RAB39A: variants seen among roughly 807,000 people sequenced by gnomAD.
RAB39A encodes the protein RAB39A, member RAS oncogene family, also known as ras-related protein Rab-39A.
In RAB39A, 17 loss-of-function variants were observed where a neutral mutation model predicts 20.9. The ratio of observed to expected loss-of-function variants is 0.81; its 90% CI spans 0.56 to 1.22. The LOEUF is 1.22. Ranked by LOEUF, RAB39A falls within the 50% of genes most tolerant of loss-of-function variation. The probability of loss-of-function intolerance (pLI) is 0.00; values close to 1 mark genes in which losing one functional copy is unlikely to be tolerated. For synonymous variants in RAB39A, 99 were observed against 103.4 expected (o/e 0.96, Z 0.26); for missense variants, 234 against 270.5 (o/e 0.87, Z 0.95).
chr11:107,932,485 C>G (rs184121264), intron 1 of RAB39A, among the ~76,000 whole-genome samples: 304 of 152,310 alleles, frequency 2.0e-3, no homozygotes, highest in Non-Finnish European at 3.3e-3. Flanking sequence ...TATAAGCACA[C>G]TGTGTGTCAG....
chr11:107,938,819 A>G (rs894959545), intron 1 of RAB39A, among the ~76,000 whole-genome samples: 10 of 151,938 alleles, frequency 6.6e-5, no homozygotes, highest in Admixed American at 5.9e-4. Context: ...TGGTTGTATG[A>G]TCAGTATAGT....
At position 107,962,153 on chromosome 11, in the gene RAB39A, G is replaced by A. The variant is rs142969707; in HGVS notation, c.435G>A (p.Leu145=). ...TTACAAGGGAAGAAGCTGAAAAACTGTCAGCAGACTGTGGAATGAAGTATA... is the reference window on the plus strand; with the variant it reads ...TTACAAGGGAAGAAGCTGAAAAACTATCAGCAGACTGTGGAATGAAGTATA... The part of the protein sequence containing the change: ...RQVTREEAEK[L]SADCGMKYIE... Residue 145 remains leucine (L), a synonymous_variant, in exon 2 of 2, where the codon CTG becomes CTA. Transcript: ENST00000320578. 6.2e-6 allele frequency: 10 copies of A among 1,614,080 alleles called. No homozygotes were observed. Among genetic ancestry groups the A allele is most frequent in the Non-Finnish European group, 8.5e-6 (10 of 1,179,972 alleles).
intron 1 of RAB39A, among the ~76,000 whole-genome samples, chr11:107,951,131 A>T (rs1312914772): frequency 6.6e-6 from 1 of 152,232 alleles, no homozygotes. Flanking sequence ...GATTGTTTGT[A>T]TGAAGAAAGA....
At chr11:107,939,224 G>A (rs1373854271) in intron 1 of RAB39A, among the ~76,000 whole-genome samples, 115 of 119,298 alleles carry the variant, frequency 9.6e-4, no homozygotes, top group African/African-American at 3.2e-3. Flanking sequence ...AGCCTGGGCG[G>A]CAAAGCGAGA....
chr11:107,953,755 T>C (rs1306895703), intron 1 of RAB39A, among the ~76,000 whole-genome samples: 2 of 152,184 alleles, frequency 1.3e-5, no homozygotes, highest in Non-Finnish European at 1.5e-5. Context: ...AGCTTCTGTT[T>C]ATGGGGAAAA....
In RAB39A at chr11:107,962,627, C is replaced by T. The variant is rs2134978632; in HGVS notation, c.*255C>T. ...CCTCCATTCTTACTTTGTTAGCATA[C>T]GCTGACCTTAGTGTCCAGATATGTC... On this transcript the variant is annotated 3_prime_UTR_variant, in exon 2 of 2. Coordinates refer to ENST00000320578, the MANE Select transcript of RAB39A (RefSeq NM_017516.3). The T allele has an allele frequency of 8.4e-6, 3 of 358,748 alleles. No individual in the cohort carries two copies. The South Asian group carries it at 2.4e-4, about 29-fold the overall frequency. The allele number at this position is 358,748 out of a possible 1,614,324, so 22.2% of individuals were successfully genotyped here.
intron 1 of RAB39A, among the ~76,000 whole-genome samples, chr11:107,953,289 A>T (rs986296328): frequency 6.6e-6 from 1 of 152,182 alleles, no homozygotes; most frequent in Non-Finnish European, 1.5e-5. Context: ...TACAAAGTCT[A>T]TGTTGACTCT....
At chr11:107,950,530 G>T (rs1160573023) in intron 1 of RAB39A, among the ~76,000 whole-genome samples, 3 of 152,088 alleles carry the variant, frequency 2.0e-5, no homozygotes, top group Non-Finnish European at 2.9e-5. Context: ...ACTTTCGGAG[G>T]CCAGGGTGGG....
At chr11:107,930,506 T>G (rs1015723709) in intron 1 of RAB39A, among the ~76,000 whole-genome samples, 2 of 152,234 alleles carry the variant, frequency 1.3e-5, no homozygotes, top group Non-Finnish European at 2.9e-5. Context: ...TACTTTGAGT[T>G]GCAACTACAA....
At chr11:107,930,556 C>G (rs1452911051) in intron 1 of RAB39A, among the ~76,000 whole-genome samples, 1 of 152,132 alleles carries the variant, frequency 6.6e-6, no homozygotes, top group African/African-American at 2.4e-5. Context: ...TTAATTAGTT[C>G]CTTAAAAGTA....
intron 1 of RAB39A, among the ~76,000 whole-genome samples, chr11:107,950,693 G>A (rs925246939): frequency 6.6e-6 from 1 of 150,874 alleles, no homozygotes; most frequent in Non-Finnish European, 1.5e-5. Context: ...TTGAGCCTGG[G>A]AGGTAAAGGT....
chr11:107,959,241 C>A (rs1861470487), intron 1 of RAB39A, among the ~76,000 whole-genome samples: 1 of 152,136 alleles, frequency 6.6e-6, no homozygotes, highest in South Asian at 2.1e-4. Context: ...TTAAAATATT[C>A]TAGTAATGGT....
At chr11:107,951,509 A>G (rs189833755) in intron 1 of RAB39A, among the ~76,000 whole-genome samples, 138 of 152,278 alleles carry the variant, frequency 9.1e-4, no homozygotes, top group African/African-American at 3.0e-3. Flanking sequence ...TACCTAAGGA[A>G]GTCAGCAAGT....
At chr11:107,950,544 A>C (rs1470641780) in intron 1 of RAB39A, among the ~76,000 whole-genome samples, 1 of 152,150 alleles carries the variant, frequency 6.6e-6, no homozygotes, top group Non-Finnish European at 1.5e-5. Context: ...GGGTGGGCAG[A>C]TCACTTGAGC....
intron 1 of RAB39A, among the ~76,000 whole-genome samples, chr11:107,938,382 A>T (rs561557976): frequency 7.2e-6 from 1 of 138,940 alleles, no homozygotes; most frequent in South Asian, 2.3e-4. Flanking sequence ...AAAAAAAAAG[A>T]ATGAGACAGC....
chr11:107,946,598 A>T (rs1475524147), intron 1 of RAB39A, among the ~76,000 whole-genome samples: 2 of 142,586 alleles, frequency 1.4e-5, no homozygotes, highest in Non-Finnish European at 3.0e-5. Context: ...TCAATCTCCC[A>T]AGTAGCTGGG....
chr11:107,942,042 T>A (rs781476439), intron 1 of RAB39A, among the ~76,000 whole-genome samples: 14 of 129,864 alleles, frequency 1.1e-4, no homozygotes, highest in Non-Finnish European at 2.0e-4. Context: ...GAGGTTGCAG[T>A]GAGCCAAGAT....
At chr11:107,939,614 AAAAAAAAAAAG>A (rs956512975) in intron 1 of RAB39A, among the ~76,000 whole-genome samples, 7 of 134,096 alleles carry the variant, frequency 5.2e-5, no homozygotes, top group African/African-American at 1.3e-4. Context: ...CATCTCAAAG[AAAAAAAAAAAG>A]AAAAAAAAAA....
intron 1 of RAB39A, among the ~76,000 whole-genome samples, chr11:107,958,670 G>GT (rs918718634): frequency 7.2e-5 from 11 of 152,028 alleles, no homozygotes; most frequent in Admixed American, 3.9e-4. Flanking sequence ...ATTAATAAGG[G>GT]TTTTTTTATA....
Sources: gnomAD v4.1 joint callset for allele counts (sites outside exome capture counted in the v4.1 genomes callset) on GRCh38, gnomAD v4.1.1 for gene constraint, MANE v1.5 for transcripts, NCBI Gene and HGNC (gene_info 2026-07-23, HGNC 2026-07-21) for gene names.